Variants in STAB2 observed in about 807,000 individuals in gnomAD.
The protein encoded by STAB2 is stabilin-2.
STAB2 carries 288 observed loss-of-function variants against 338.1 expected under a neutral mutation model. The ratio of observed to expected loss-of-function variants is 0.85; its 90% CI spans 0.77 to 0.94. The LOEUF (loss-of-function observed/expected upper bound fraction) is 0.94. Among genes scored for constraint, STAB2 ranks in the 40% least tolerant of loss-of-function variants. The pLI, the probability that STAB2 is intolerant of heterozygous loss-of-function variation, is 0.00. For synonymous variants in STAB2, 1,202 were observed against 1,193.3 expected (o/e 1.01, Z -0.15); for missense variants, 3,141 against 3,210.1 (o/e 0.98, Z 0.52).
intron 34 of STAB2, among the ~76,000 whole-genome samples, chr12:103,701,181 A>G (rs1878837968): frequency 6.6e-6 from 1 of 151,050 alleles, no homozygotes; most frequent in South Asian, 2.1e-4. Flanking sequence ...AAGGACATGA[A>G]CTCATCATTT....
intron 3 of STAB2, among the ~76,000 whole-genome samples, chr12:103,601,193 G>A (rs770537877): frequency 5.9e-5 from 9 of 151,998 alleles, no homozygotes; most frequent in Non-Finnish European, 1.2e-4. Context: ...GATAGTGCAC[G>A]TAATGTGCTT....
In STAB2 at chr12:103,740,660, C is replaced by A. The variant is rs1882507841; in HGVS notation, c.5785C>A (p.Pro1929Thr). 6.2e-7 allele frequency: 1 copy of A among 1,611,992 alleles called. No homozygotes were observed. Among genetic ancestry groups the A allele is most frequent in the South Asian group, 1.1e-5 (1 of 90,622 alleles). Residue 1929 changes from proline to threonine, a missense_variant, in exon 55 of 69, where the codon CCC (proline) becomes ACC (threonine). Coordinates refer to ENST00000388887, the MANE Select transcript of STAB2 (RefSeq NM_017564.10). ...GAAGCAGAAGTGTCTCTACAACCTGCCCTTCAAGAGGAACCTGGAAGGCTG... is the reference window on the plus strand; with the variant it reads ...GAAGCAGAAGTGTCTCTACAACCTGACCTTCAAGAGGAACCTGGAAGGCTG... ...GVKQKCLYNL[P>T]FKRNLEGCRE...
At chr12:103,669,896 C>T (rs1264285124) in intron 21 of STAB2, among the ~76,000 whole-genome samples, 4 of 152,182 alleles carry the variant, frequency 2.6e-5, no homozygotes, top group Admixed American at 1.3e-4. Flanking sequence ...CTGGGCCTCA[C>T]GTTCCTCCTG....
intron 65 of STAB2, 74 bp downstream of exon 65, chr12:103,759,347 TA>T (rs1884374776): frequency 1.3e-6 from 2 of 1,561,018 alleles, no homozygotes; most frequent in Non-Finnish European, 1.7e-6. Context: ...AGTAGGTGCT[TA>T]ATAGATGGCA....
Position 103,695,585 on chromosome 12 carries a change from A to G in STAB2, c.3411A>G (p.Leu1137=). The G allele has an allele frequency of 6.2e-7, 1 of 1,614,150 alleles. No individual in the cohort carries two copies. Among genetic ancestry groups the G allele is most frequent in the Non-Finnish European group, 8.5e-7 (1 of 1,180,022 alleles). Residue 1137 remains leucine (L), a synonymous_variant, in exon 32 of 69, where the codon TTA becomes TTG. Transcript: ENST00000388887. ...CACAAAGACGTCTAACTGGCTCCTT[A>G]CCAAACCTGCTCATGCGGCTGGAAC... ...LVPQRRLTGS[L]PNLLMRLEQM... is the part of the protein sequence containing the mutation.
chr12:103,721,283 G>A (rs971117886), intron 44 of STAB2, among the ~76,000 whole-genome samples: 2 of 152,170 alleles, frequency 1.3e-5, no homozygotes, highest in African/African-American at 2.4e-5. Flanking sequence ...GTTAAGAAGC[G>A]GGCAGCCACA....
chr12:103,702,778 C>G (rs983584551), intron 34 of STAB2, among the ~76,000 whole-genome samples: 1 of 152,168 alleles, frequency 6.6e-6, no homozygotes, highest in Non-Finnish European at 1.5e-5. Context: ...TCCATGGAGC[C>G]GTCTTGCCGG....
intron 3 of STAB2, among the ~76,000 whole-genome samples, chr12:103,604,103 C>T (rs549730716): frequency 6.6e-6 from 1 of 152,212 alleles, no homozygotes; most frequent in South Asian, 2.1e-4. Flanking sequence ...TAATAACTTT[C>T]TGGAGATACT....
chr12:103,683,331 TAA>T (rs59684257), intron 26 of STAB2, 31 bp downstream of exon 26: 6,634 of 1,173,650 alleles, frequency 5.7e-3, no homozygotes, highest in South Asian at 0.01. Context: ...TTTCATTACT[TAA>T]AAAAAAAAAA....
intron 3 of STAB2, among the ~76,000 whole-genome samples, chr12:103,610,088 C>G (rs1287322420): frequency 1.3e-5 from 2 of 151,836 alleles, no homozygotes; most frequent in Non-Finnish European, 2.9e-5. Context: ...ATTCGGTTTT[C>G]CAGTATTTTA....
At chr12:103,761,783 C>T (rs938171743) in intron 66 of STAB2, among the ~76,000 whole-genome samples, 1 of 152,180 alleles carries the variant, frequency 6.6e-6, no homozygotes, top group Non-Finnish European at 1.5e-5. Context: ...TGCCTCCCTC[C>T]TGGGTTTTGG....
intron 65 of STAB2, among the ~76,000 whole-genome samples, chr12:103,760,410 G>A (rs1279576308): frequency 2.6e-5 from 4 of 152,126 alleles, no homozygotes; most frequent in East Asian, 3.9e-4. Context: ...ACAGGTGCCC[G>A]CCACCACACT....
chr12:103,711,220 C>G (rs1879825637), intron 39 of STAB2: 1 of 527,562 alleles, frequency 1.9e-6, no homozygotes, highest in Non-Finnish European at 3.3e-6. Context: ...GTTTTATTCA[C>G]TCTTGCATCC....
chr12:103,676,346 C>T lies in STAB2; in HGVS notation c.2646+325C>T, dbSNP rs1228159623. On this transcript the variant is annotated intron_variant, in intron 24 of 68. Transcript: ENST00000388887. ...TGCTAGGACTACAGGCCTAAGCCACCGCGCCCAGCCCTGCCTGGTTTCTTG... is the reference window on the plus strand; with the variant it reads ...TGCTAGGACTACAGGCCTAAGCCACTGCGCCCAGCCCTGCCTGGTTTCTTG... Among the ~76,000 whole-genome samples the T allele has an allele frequency of 7.9e-5, 12 of 151,002 alleles. No individual in the cohort carries two copies. The South Asian group carries it at 2.1e-3, about 26-fold the overall frequency.
At chr12:103,594,095 G>A (rs747678575) in intron 2 of STAB2, among the ~76,000 whole-genome samples, 2 of 152,084 alleles carry the variant, frequency 1.3e-5, no homozygotes, top group Non-Finnish European at 2.9e-5. Flanking sequence ...TAAGTTTTAG[G>A]TATACTTCTA....
chr12:103,712,342 C>A, intron 40 of STAB2, 25 bp from the exon 41 acceptor site: 3 of 1,590,954 alleles, frequency 1.9e-6, no homozygotes, highest in South Asian at 1.1e-5. Context: ...TTTCTACAAA[C>A]CCCATTTGTC....
At chr12:103,730,396 T>A in intron 49 of STAB2, 140 bp downstream of exon 49, 2 of 984,882 alleles carry the variant, frequency 2.0e-6, no homozygotes, top group Non-Finnish European at 3.0e-6. Flanking sequence ...TAGTAAACAT[T>A]ATTCTTAGTA....
At position 103,766,472 on chromosome 12, in the gene STAB2, C is replaced by A; in HGVS notation, c.*136C>A. 9.8e-7 allele frequency: 1 copy of A among 1,023,774 alleles called. No individual in the cohort carries two copies. The allele number at this position is 1,023,774 out of a possible 1,614,324, so 63.4% of individuals were successfully genotyped here. On this transcript the variant is annotated 3_prime_UTR_variant, in exon 69 of 69. Transcript: ENST00000388887. Reference sequence around the variant, plus strand: ...GCCATACCTCATCTCTCTGGCTGATCTGGGGGTTGTTTCTGTGGGTGAGAG... The same window carrying A: ...GCCATACCTCATCTCTCTGGCTGATATGGGGGTTGTTTCTGTGGGTGAGAG...
At chr12:103,641,739 CT>C in intron 9 of STAB2, among the ~76,000 whole-genome samples, 1 of 152,270 alleles carries the variant, frequency 6.6e-6, no homozygotes, top group Middle Eastern at 3.4e-3. Flanking sequence ...ATATAAGCTG[CT>C]TCCAAATTTG....
Sources: gnomAD v4.1 joint callset for allele counts (sites outside exome capture counted in the v4.1 genomes callset) on GRCh38, gnomAD v4.1.1 for gene constraint, MANE v1.5 for transcripts, NCBI Gene and HGNC (gene_info 2026-07-23, HGNC 2026-07-21) for gene names.